GPC6: variants seen among roughly 807,000 people sequenced by gnomAD.
GPC6 encodes glypican 6.
In GPC6, 14 loss-of-function variants were observed where a neutral mutation model predicts 55.2. That is an observed-to-expected ratio of 0.25 (90% CI 0.17 to 0.40). The LOEUF (loss-of-function observed/expected upper bound fraction) is 0.40, where lower values mean the gene tolerates loss of function less well. GPC6 is among the 10% of genes least tolerant of loss of function. GPC6 has a pLI of 1.00. For synonymous variants in GPC6, 278 were observed against 259.6 expected (o/e 1.07, Z -0.68); for missense variants, 641 against 708.5 (o/e 0.90, Z 1.08).
intron 2 of GPC6, among the ~76,000 whole-genome samples, chr13:93,584,377 C>G (rs1263051843): frequency 2.0e-5 from 3 of 152,056 alleles, no homozygotes; most frequent in Non-Finnish European, 2.9e-5. Flanking sequence ...CTTGTGAGCT[C>G]AAAGTGGTAT....
chr13:93,433,712 C>CA (rs1877459229), intron 1 of GPC6, among the ~76,000 whole-genome samples: 1 of 152,038 alleles, frequency 6.6e-6, no homozygotes, highest in East Asian at 1.9e-4. Context: ...CAGACAGAGT[C>CA]AAGAGAGATT....
intron 2 of GPC6, among the ~76,000 whole-genome samples, chr13:93,600,735 A>T (rs1877973891): frequency 6.6e-6 from 1 of 151,338 alleles, no homozygotes. Flanking sequence ...GTGGATCACG[A>T]GGTCAGGAGT....
chr13:93,614,087 T>C (rs375957334), intron 2 of GPC6, among the ~76,000 whole-genome samples: 9 of 152,196 alleles, frequency 5.9e-5, no homozygotes, highest in African/African-American at 2.2e-4. Context: ...GAATAGACTT[T>C]ATTTTCTCCT....
chr13:93,496,570 T>C (rs1049190473), intron 1 of GPC6, among the ~76,000 whole-genome samples: 1 of 152,298 alleles, frequency 6.6e-6, no homozygotes, highest in Non-Finnish European at 1.5e-5. Flanking sequence ...ACTTAACTAG[T>C]GTTAATCAAA....
intron 1 of GPC6, among the ~76,000 whole-genome samples, chr13:93,323,335 A>T (rs1221466793): frequency 3.3e-5 from 5 of 152,214 alleles, no homozygotes; most frequent in African/African-American, 1.2e-4. Context: ...TGGGGGATGT[A>T]TGTGTGAGAT....
chr13:93,895,235 T>TGTGTGTGTAC (rs1555339941), intron 3 of GPC6, among the ~76,000 whole-genome samples: 20 of 19,448 alleles, frequency 1.0e-3, no homozygotes, highest in African/African-American at 4.2e-3. Flanking sequence ...TGTGTGTGTG[T>TGTGTGTGTAC]ATATATATAT....
intron 2 of GPC6, among the ~76,000 whole-genome samples, chr13:93,600,949 C>CAA (rs1196219049): frequency 9.7e-4 from 26 of 26,906 alleles, no homozygotes; most frequent in Non-Finnish European, 1.4e-3. Context: ...AATTCCGCCT[C>CAA]AAAAAAAAAA....
intron 6 of GPC6, among the ~76,000 whole-genome samples, chr13:94,329,402 T>G (rs1363545753): frequency 6.6e-6 from 1 of 152,064 alleles, no homozygotes; most frequent in East Asian, 1.9e-4. Flanking sequence ...AGCAGATCTG[T>G]GCCTCGCAGT....
intron 1 of GPC6, among the ~76,000 whole-genome samples, chr13:93,506,278 G>T (rs1880710008): frequency 6.6e-6 from 1 of 152,168 alleles, no homozygotes; most frequent in Non-Finnish European, 1.5e-5. Context: ...AAATTTGAGG[G>T]GGGCTGTGTA....
chr13:93,511,248 T>A (rs1880960190), intron 1 of GPC6, among the ~76,000 whole-genome samples: 1 of 151,330 alleles, frequency 6.6e-6, no homozygotes, highest in Non-Finnish European at 1.5e-5. Context: ...AAGGTCTTAG[T>A]CGTAAGTTCT....
chr13:93,255,781 A>AT (rs1876931572), intron 1 of GPC6, among the ~76,000 whole-genome samples: 5 of 152,046 alleles, frequency 3.3e-5, no homozygotes, highest in Admixed American at 3.3e-4. Context: ...TGGGGAGTAT[A>AT]TTTTTTTGGA....
intron 2 of GPC6, among the ~76,000 whole-genome samples, chr13:93,741,914 A>T (rs1048693815): frequency 5.3e-5 from 8 of 152,338 alleles, no homozygotes; most frequent in African/African-American, 1.9e-4. Context: ...TTCACTATTT[A>T]AAAAGAACTA....
chr13:93,798,053 G>A (rs1250255232), intron 2 of GPC6, among the ~76,000 whole-genome samples: 1 of 152,136 alleles, frequency 6.6e-6, no homozygotes, highest in African/African-American at 2.4e-5. Flanking sequence ...CTTCCCTGAA[G>A]GATTGTTGAG....
At chr13:93,897,161 C>G (rs148881202) in intron 3 of GPC6, among the ~76,000 whole-genome samples, 1 of 151,450 alleles carries the variant, frequency 6.6e-6, no homozygotes, top group East Asian at 1.9e-4. Context: ...TACCAGAGGC[C>G]GTGAAATGTG....
intron 3 of GPC6, among the ~76,000 whole-genome samples, chr13:93,851,675 A>T (rs540339862): frequency 9.9e-5 from 15 of 152,056 alleles, no homozygotes; most frequent in African/African-American, 3.6e-4. Flanking sequence ...ATTTAATTGT[A>T]TAATGATGTT....
chr13:93,823,963 A>C lies in GPC6; in HGVS notation c.320-6191A>C, dbSNP rs894600335. On this transcript the variant is annotated intron_variant, in intron 2 of 8. Coordinates refer to ENST00000377047, the MANE Select transcript of GPC6 (RefSeq NM_005708.5). ...GAGATGCAGAAGTGGCAAATCCCAA[A>C]GGAATTATTGCTTAAAGCAATATTG... Among the ~76,000 whole-genome samples, 3 of 152,206 alleles carry C rather than the reference A, an allele frequency of 2.0e-5. 1 individual carries two copies. Among genetic ancestry groups the C allele is most frequent in the Admixed American group, 2.0e-4 (3 of 15,272 alleles).
Position 93,932,973 on chromosome 13 carries a change from C to CT in GPC6, c.712-94736dup, listed in dbSNP as rs59362571. On this transcript the variant is annotated intron_variant, in intron 3 of 8. Coordinates refer to ENST00000377047, the MANE Select transcript of GPC6 (RefSeq NM_005708.5). ...GGCTGTTTTTTTGTTTTGTTTTGTT[C>CT]TTTTTTTTTTTTTTTTTTTTCTGGA... is the stretch of plus-strand genomic sequence containing the variant. Among the ~76,000 whole-genome samples, 404 of 102,344 alleles carry CT rather than the reference C, an allele frequency of 3.9e-3. 3 individuals carry two copies. The highest frequency in any genetic ancestry group is 0.017 in the Middle Eastern group (3 of 172). The allele number at this position is 102,344 out of a possible 152,430, so 67.1% of individuals were successfully genotyped here. A position where few individuals can be genotyped will look rare whatever the true frequency, so the allele number is the denominator to read the frequency against.
chr13:94,106,406 A>G (rs1218403262), intron 4 of GPC6, among the ~76,000 whole-genome samples: 1 of 152,186 alleles, frequency 6.6e-6, no homozygotes, highest in Non-Finnish European at 1.5e-5. Flanking sequence ...AGCGAGACAG[A>G]GTTTACAAGA....
intron 2 of GPC6, among the ~76,000 whole-genome samples, chr13:93,567,791 G>C (rs1233111375): frequency 2.0e-5 from 3 of 152,042 alleles, no homozygotes; most frequent in Non-Finnish European, 4.4e-5. Flanking sequence ...TCTTAGATTG[G>C]TCAACAGATA....
Sources: allele counts gnomAD v4.1 joint callset (sites outside exome capture counted in the v4.1 genomes callset), GRCh38; gene constraint gnomAD v4.1.1; transcripts MANE v1.5; gene names NCBI Gene and HGNC (gene_info 2026-07-23, HGNC 2026-07-21).